The following KAZN variants were observed in gnomAD, a reference collection of about 807,000 sequenced individuals.
KAZN encodes the protein kazrin.
In KAZN, 40 loss-of-function variants were observed where a neutral mutation model predicts 87.4. That is an observed-to-expected ratio of 0.46 (90% CI 0.36 to 0.60). KAZN has a LOEUF of 0.60. Among genes scored for constraint, KAZN ranks in the 20% least tolerant of loss-of-function variants. KAZN has a pLI of 0.00. For synonymous variants in KAZN, 466 were observed against 458.3 expected, an observed-to-expected ratio of 1.02 and a Z score of -0.22; for missense variants, 898 against 1,073.9, an observed-to-expected ratio of 0.84 and a Z score of 2.29.
chr1:14,874,386 G>T (rs1179342452), intron 1 of KAZN, among the ~76,000 whole-genome samples: 2 of 152,186 alleles, frequency 1.3e-5, no homozygotes, highest in Admixed American at 6.5e-5. Flanking sequence ...GGCTGGAAAG[G>T]TGACCACTGG....
At chr1:14,456,519 C>T (rs180893006) in intron 2 of KAZN, among the ~76,000 whole-genome samples, 52 of 152,100 alleles carry the variant, frequency 3.4e-4, no homozygotes, top group African/African-American at 1.1e-3. Context: ...ATGTAGGTGA[C>T]GTTGTATTAT....
chr1:14,831,098 G>A (rs191376204), intron 1 of KAZN, among the ~76,000 whole-genome samples: 5 of 152,350 alleles, frequency 3.3e-5, no homozygotes, highest in Non-Finnish European at 5.9e-5. Context: ...GACCTCAGGT[G>A]AGCCACCTGC....
intron 8 of KAZN, among the ~76,000 whole-genome samples, chr1:15,068,558 C>T (rs1030772674): frequency 6.6e-6 from 1 of 152,006 alleles, no homozygotes; most frequent in Non-Finnish European, 1.5e-5. Flanking sequence ...GACCTCTGCG[C>T]GTCCCACGAT....
chr1:14,144,853 A>G (rs1570859982), intron 1 of KAZN, among the ~76,000 whole-genome samples: 1 of 152,158 alleles, frequency 6.6e-6, no homozygotes, highest in East Asian at 1.9e-4. Flanking sequence ...GAACTAACAC[A>G]GTGAGAACAC....
At chr1:14,511,698 A>G (rs1405841383) in intron 2 of KAZN, among the ~76,000 whole-genome samples, 2 of 152,210 alleles carry the variant, frequency 1.3e-5, no homozygotes, top group Non-Finnish European at 2.9e-5. Flanking sequence ...TGTCAGGCTA[A>G]GGGACTGAGT....
chr1:14,145,838 C>T (rs1645337449), intron 1 of KAZN, among the ~76,000 whole-genome samples: 1 of 152,224 alleles, frequency 6.6e-6, no homozygotes, highest in Non-Finnish European at 1.5e-5. Context: ...GCCTTGGCGT[C>T]CCAAAGTGCT....
intron 2 of KAZN, among the ~76,000 whole-genome samples, chr1:14,275,490 G>GTC (rs1553152952): frequency 1.4e-5 from 2 of 143,894 alleles, no homozygotes; most frequent in Non-Finnish European, 3.1e-5. Context: ...GTGTGTGTGT[G>GTC]TCTAAACAAT....
chr1:13,979,586 T>C (rs1638553591), intron 1 of KAZN, among the ~76,000 whole-genome samples: 1 of 152,188 alleles, frequency 6.6e-6, no homozygotes, highest in African/African-American at 2.4e-5. Flanking sequence ...CAATGGTAAA[T>C]GTAATTTAAA....
At chr1:14,724,889 T>C (rs1359350460) in intron 1 of KAZN, among the ~76,000 whole-genome samples, 1 of 152,186 alleles carries the variant, frequency 6.6e-6, no homozygotes, top group African/African-American at 2.4e-5. Flanking sequence ...CCCTGTCAAG[T>C]CGGAAAGAAG....
chr1:14,607,113 G>A (rs1354321287), intron 1 of KAZN, among the ~76,000 whole-genome samples: 1 of 152,178 alleles, frequency 6.6e-6, no homozygotes, highest in Admixed American at 6.5e-5. Flanking sequence ...AATACTAAAT[G>A]ATGGGGTGTG....
At chr1:13,978,413 G>A (rs1276687280) in intron 1 of KAZN, among the ~76,000 whole-genome samples, 1 of 150,578 alleles carries the variant, frequency 6.6e-6, no homozygotes, top group East Asian at 1.9e-4. Flanking sequence ...AAATAACTAT[G>A]GTTCACTTAT....
At chr1:14,008,079 G>A (rs1181079328) in intron 1 of KAZN, among the ~76,000 whole-genome samples, 2 of 152,088 alleles carry the variant, frequency 1.3e-5, no homozygotes, top group African/African-American at 2.4e-5. Context: ...GAAGTAATTG[G>A]CATTGTGGCC....
rs183466202 is a variant in KAZN, at chr1:14,287,848, T to A, written c.249+107256T>A. On this transcript the variant is annotated intron_variant, in intron 2 of 16. Coordinates refer to the KAZN transcript ENST00000636203. Reference sequence around the variant, plus strand: ...AAATAGTTCTTCTTATTTTGAGATATGTTCCACAAAACTTAGTTTATTGAG... The same window carrying A: ...AAATAGTTCTTCTTATTTTGAGATAAGTTCCACAAAACTTAGTTTATTGAG... Among the ~76,000 whole-genome samples, 39 of 152,318 alleles carry A rather than the reference T, an allele frequency of 2.6e-4. No homozygotes were observed. The East Asian group carries it at 7.5e-3, about 29-fold the overall frequency.
chr1:14,014,126 TTGA>T (rs1399212768), intron 1 of KAZN, among the ~76,000 whole-genome samples: 3 of 152,102 alleles, frequency 2.0e-5, no homozygotes, highest in Non-Finnish European at 2.9e-5. Context: ...CCACCCACCA[TTGA>T]TGATTTTTTT....
chr1:14,203,336 C>A (rs12565011), intron 2 of KAZN, among the ~76,000 whole-genome samples: 1 of 152,118 alleles, frequency 6.6e-6, no homozygotes, highest in Non-Finnish European at 1.5e-5. Flanking sequence ...AGCCATGAAC[C>A]TAAGTCGTAA....
chr1:14,202,360 C>T (rs191840964), intron 2 of KAZN, among the ~76,000 whole-genome samples: 29 of 152,324 alleles, frequency 1.9e-4, no homozygotes, highest in Admixed American at 1.3e-3. Context: ...GGAAGGCATT[C>T]TAAATATGTG....
intron 4 of KAZN, among the ~76,000 whole-genome samples, chr1:15,049,078 A>G (rs1674007016): frequency 1.3e-5 from 2 of 148,204 alleles, no homozygotes. Flanking sequence ...GCGATCCTGT[A>G]CTCCATGGGG....
At chr1:14,132,162 A>G (rs973602800) in intron 1 of KAZN, among the ~76,000 whole-genome samples, 2 of 152,136 alleles carry the variant, frequency 1.3e-5, no homozygotes, top group Non-Finnish European at 2.9e-5. Flanking sequence ...TGCCCCCTAG[A>G]AGGACAAGAT....
At chr1:14,447,778 ACTT>A (rs749766509) in intron 2 of KAZN, among the ~76,000 whole-genome samples, 1 of 152,008 alleles carries the variant, frequency 6.6e-6, no homozygotes, top group East Asian at 1.9e-4. Flanking sequence ...TGCCCTGACT[ACTT>A]CAAATCTCAC....
Sources: allele counts gnomAD v4.1 joint callset (sites outside exome capture counted in the v4.1 genomes callset), GRCh38; gene constraint gnomAD v4.1.1; transcripts MANE v1.5; gene names NCBI Gene and HGNC (gene_info 2026-07-23, HGNC 2026-07-21).